PRDM6: variants seen among roughly 807,000 people sequenced by gnomAD.
The protein encoded by PRDM6 is putative histone-lysine N-methyltransferase PRDM6.
A neutral mutation model predicts 60.8 loss-of-function variants in PRDM6; 25 were observed. The observed-to-expected ratio is 0.41, with a 90% CI of 0.30 to 0.57. PRDM6 has a LOEUF of 0.57. PRDM6 is among the 20% of genes least tolerant of loss of function. PRDM6 has a pLI of 0.27. For synonymous variants in PRDM6, 407 were observed against 357.4 expected (o/e 1.14, Z -1.57); for missense variants, 839 against 821.3 (o/e 1.02, Z -0.26).
chr5:123,143,682 G>T (rs1166798120), intron 3 of PRDM6, among the ~76,000 whole-genome samples: 1 of 152,128 alleles, frequency 6.6e-6, no homozygotes, highest in Admixed American at 6.5e-5. Flanking sequence ...TGTGTGAAAG[G>T]AGCTTTATTA....
chr5:123,156,347 C>T (rs1765500355), intron 4 of PRDM6, among the ~76,000 whole-genome samples: 1 of 152,180 alleles, frequency 6.6e-6, no homozygotes, highest in Non-Finnish European at 1.5e-5. Flanking sequence ...CGTCTTCACA[C>T]AGATAAGTAG....
intron 5 of PRDM6, among the ~76,000 whole-genome samples, chr5:123,162,079 C>T (rs190203093): frequency 1.3e-5 from 2 of 152,178 alleles, no homozygotes; most frequent in East Asian, 3.8e-4. Flanking sequence ...GACTTTGAGG[C>T]CTTTGGCCTG....
At chr5:123,186,978 A>T in intron 7 of PRDM6, 109 bp from the exon 8 acceptor site, 1 of 798,780 alleles carries the variant, frequency 1.3e-6, no homozygotes, top group Non-Finnish European at 2.0e-6. Context: ...GAGCTGGTAA[A>T]ATCTGAAGCC....
intron 5 of PRDM6, among the ~76,000 whole-genome samples, chr5:123,163,761 A>T (rs1038466522): frequency 6.6e-6 from 1 of 152,072 alleles, no homozygotes; most frequent in Non-Finnish European, 1.5e-5. Flanking sequence ...AGAGGAAATT[A>T]AAAAAAATCC....
At chr5:123,123,740 C>G (rs1431962533) in intron 3 of PRDM6, among the ~76,000 whole-genome samples, 3 of 152,156 alleles carry the variant, frequency 2.0e-5, no homozygotes, top group African/African-American at 7.2e-5. Context: ...ACATTGGAAA[C>G]TTTAGGCCCA....
chr5:123,182,482 C>A (rs17391294), intron 7 of PRDM6, among the ~76,000 whole-genome samples: 2 of 152,006 alleles, frequency 1.3e-5, no homozygotes, highest in Non-Finnish European at 2.9e-5. Flanking sequence ...TTAATTGAAG[C>A]GGTTTCAGGG....
At chr5:123,148,982 C>T (rs893720895) in intron 3 of PRDM6, among the ~76,000 whole-genome samples, 1 of 152,112 alleles carries the variant, frequency 6.6e-6, no homozygotes, top group African/African-American at 2.4e-5. Context: ...GAATAATATT[C>T]TCAGCTTCTC....
intron 5 of PRDM6, among the ~76,000 whole-genome samples, chr5:123,165,159 C>G (rs992438584): frequency 6.6e-6 from 1 of 152,192 alleles, no homozygotes. Flanking sequence ...ATCCAGACCT[C>G]CTTACTGAGC....
In PRDM6 at chr5:123,099,895, A is replaced by C; in HGVS notation, c.834A>C (p.Gln278His). The C allele has an allele frequency of 6.5e-7, 1 of 1,549,052 alleles. No homozygotes were observed. The highest frequency in any genetic ancestry group is 2.4e-5 in the East Asian group (1 of 40,858). Residue 278 changes from glutamine to histidine, a missense_variant, in exon 3 of 8, where the codon CAA (glutamine) becomes CAC (histidine). Around this residue, in one of 2 missense-constraint regions of PRDM6, gnomAD observed 730 missense variants for 648.8 expected, o/e 1.13. Coordinates refer to ENST00000407847, the MANE Select transcript of PRDM6 (RefSeq NM_001136239.4). This position sits in a 1 kb window ranked among gnomAD's most constrained non-coding sequence, Gnocchi z 4.0. ...AAGGCACCTGGATTGGACCTTTCCA[A>C]GGCGTGCTTCTGCCCCCAGAGAAGG... ...IQQGTWIGPF[Q>H]GVLLPPEKVQ...
At chr5:123,132,474 A>G (rs1764854956) in intron 3 of PRDM6, among the ~76,000 whole-genome samples, 1 of 152,016 alleles carries the variant, frequency 6.6e-6, no homozygotes, top group South Asian at 2.1e-4. Flanking sequence ...ATTTTCTATA[A>G]GCGCTTTCTA....
intron 3 of PRDM6, among the ~76,000 whole-genome samples, chr5:123,145,618 T>A (rs1246372813): frequency 6.6e-6 from 1 of 152,198 alleles, no homozygotes; most frequent in Non-Finnish European, 1.5e-5. Context: ...GGTGGCTTCA[T>A]CTCTTGCATA....
chr5:123,147,279 A>AAGAGAGAGAGAGAGAGAG (rs3036135), intron 3 of PRDM6, among the ~76,000 whole-genome samples: 124 of 147,578 alleles, frequency 8.4e-4, no homozygotes, highest in Middle Eastern at 3.6e-3. Context: ...TGATACTAAA[A>AAGAGAGAGAGAGAGAGAG]AGAGAGAGAG....
intron 3 of PRDM6, among the ~76,000 whole-genome samples, chr5:123,150,917 G>A (rs1765355949): frequency 6.6e-6 from 1 of 152,100 alleles, no homozygotes; most frequent in South Asian, 2.1e-4. Context: ...AAAGAGATTG[G>A]CTTCAAAAAG....
chr5:123,177,357 CTG>C (rs911273520), intron 6 of PRDM6, among the ~76,000 whole-genome samples: 1 of 152,168 alleles, frequency 6.6e-6, no homozygotes, highest in African/African-American at 2.4e-5. Flanking sequence ...GAAAGAGACA[CTG>C]TTATTATAGT....
chr5:123,098,675 C>A (rs970752607), intron 2 of PRDM6, among the ~76,000 whole-genome samples: 4 of 152,238 alleles, frequency 2.6e-5, no homozygotes, highest in African/African-American at 9.6e-5. Context: ...TTGTATAGCA[C>A]AACAGAATCG....
chr5:123,123,849 C>T (rs972896242), intron 3 of PRDM6, among the ~76,000 whole-genome samples: 4 of 152,058 alleles, frequency 2.6e-5, no homozygotes, highest in African/African-American at 9.6e-5. Context: ...TATGGGCTCT[C>T]GTTAGAGGGC....
At chr5:123,123,528 T>C (rs948575477) in intron 3 of PRDM6, among the ~76,000 whole-genome samples, 4 of 152,228 alleles carry the variant, frequency 2.6e-5, no homozygotes, top group Admixed American at 6.5e-5. Flanking sequence ...ATTGGTAGGC[T>C]TTAAAATAAA....
At chr5:123,131,229 A>T (rs990086970) in intron 3 of PRDM6, among the ~76,000 whole-genome samples, 2 of 152,154 alleles carry the variant, frequency 1.3e-5, no homozygotes, top group Non-Finnish European at 2.9e-5. Flanking sequence ...GGGCACAAAA[A>T]TACTGTTAGG....
intron 5 of PRDM6, among the ~76,000 whole-genome samples, chr5:123,162,295 G>A (rs1404560911): frequency 6.6e-6 from 1 of 152,178 alleles, no homozygotes; most frequent in Non-Finnish European, 1.5e-5. Flanking sequence ...TTGGGTCTCT[G>A]TGCCATTCAC....
Sources: allele counts gnomAD v4.1 joint callset (sites outside exome capture counted in the v4.1 genomes callset), GRCh38; gene constraint gnomAD v4.1.1; regional missense constraint gnomAD v4.1.1; non-coding constraint Gnocchi (gnomAD v3.1); transcripts MANE v1.5; gene names NCBI Gene and HGNC (gene_info 2026-07-23, HGNC 2026-07-21).